STK33: variants seen among roughly 807,000 people sequenced by gnomAD.
STK33 encodes serine/threonine-protein kinase 33.
In STK33, 52 loss-of-function variants were observed where a neutral mutation model predicts 58.0. The ratio of observed to expected loss-of-function variants is 0.90; its 90% confidence interval spans 0.72 to 1.13. STK33 has a LOEUF of 1.13. Ranked by LOEUF, STK33 falls within the 50% of genes most tolerant of loss-of-function variation. The pLI is 0.00. For missense variants in STK33, 630 were observed against 604.2 expected, an observed-to-expected ratio of 1.04 and a Z score of -0.45; for synonymous variants, 215 against 200.1, an observed-to-expected ratio of 1.07 and a Z score of -0.63.
chr11:8,392,783 C>T, intron 15 of STK33, 73 bp from the exon 16 acceptor site: 5 of 1,505,766 alleles, frequency 3.3e-6, no homozygotes, highest in Non-Finnish European at 3.6e-6. Context: ...CAAGGAACTA[C>T]AAAGTTGTCC....
chr11:8,581,758 T>C (rs2030322382), intron 1 of STK33, among the ~76,000 whole-genome samples: 2 of 152,374 alleles, frequency 1.3e-5, no homozygotes, highest in African/African-American at 4.8e-5. Context: ...AAAAGCTAAA[T>C]GCACTAAATC....
intron 1 of STK33, among the ~76,000 whole-genome samples, chr11:8,549,680 G>A (rs904014808): frequency 3.9e-5 from 6 of 151,960 alleles, no homozygotes; most frequent in African/African-American, 1.4e-4. Context: ...GTCTGTTCAG[G>A]TTTCCTATTT....
At chr11:8,551,070 T>G (rs1367878745) in intron 1 of STK33, among the ~76,000 whole-genome samples, 4 of 152,126 alleles carry the variant, frequency 2.6e-5, no homozygotes, top group African/African-American at 7.2e-5. Context: ...GCAAGTCATA[T>G]TTTACATGGA....
At chr11:8,485,361 T>A (rs1025898729) in intron 1 of STK33, among the ~76,000 whole-genome samples, 2 of 152,200 alleles carry the variant, frequency 1.3e-5, no homozygotes, top group Non-Finnish European at 2.9e-5. Flanking sequence ...AAGAACGTTG[T>A]TTCAAAGCAC....
chr11:8,498,955 G>T (rs779106351), intron 1 of STK33, among the ~76,000 whole-genome samples: 5 of 152,078 alleles, frequency 3.3e-5, no homozygotes, highest in African/African-American at 7.2e-5. Context: ...AGACTTAAAC[G>T]TAAGACCTAA....
the STK33 span, among the ~76,000 whole-genome samples, chr11:8,346,278 C>T: frequency 6.6e-5 from 10 of 152,258 alleles, no homozygotes; most frequent in African/African-American, 1.9e-4. Flanking sequence ...CCTTTAGTTA[C>T]GGGGCACCGT....
At chr11:8,488,445 G>A (rs2138527071) in intron 1 of STK33, among the ~76,000 whole-genome samples, 1 of 152,136 alleles carries the variant, frequency 6.6e-6, no homozygotes, top group Non-Finnish European at 1.5e-5. Context: ...ATCTCTGGCT[G>A]ACCTGGAAGC....
At chr11:8,433,195 A>G (rs1050509078) in intron 14 of STK33, among the ~76,000 whole-genome samples, 1 of 152,234 alleles carries the variant, frequency 6.6e-6, no homozygotes, top group Non-Finnish European at 1.5e-5. Context: ...AGAGCAACAC[A>G]TTCATGGAAG....
the STK33 span, among the ~76,000 whole-genome samples, chr11:8,348,916 A>G: frequency 2.6e-5 from 4 of 152,204 alleles, no homozygotes; most frequent in African/African-American, 9.7e-5. Flanking sequence ...TTTTTAAAAT[A>G]TCATTTCTTC....
downstream of STK33, among the ~76,000 whole-genome samples, chr11:8,388,942 C>T (rs182209316): frequency 1.3e-5 from 2 of 152,156 alleles, no homozygotes; most frequent in Admixed American, 6.5e-5. Context: ...AGGAAGAGCT[C>T]GTTTATCTTT....
At chr11:8,512,244 C>A (rs1000726062) in intron 1 of STK33, among the ~76,000 whole-genome samples, 1 of 151,948 alleles carries the variant, frequency 6.6e-6, no homozygotes, top group Non-Finnish European at 1.5e-5. Flanking sequence ...TAATGATATA[C>A]AATTTCTTTT....
chr11:8,367,390 A>G, the STK33 span, among the ~76,000 whole-genome samples: 2 of 152,204 alleles, frequency 1.3e-5, no homozygotes, highest in Non-Finnish European at 2.9e-5. Context: ...TGTTCACATC[A>G]TTGTACATTC....
At chr11:8,558,398 TAC>T (rs71059170) in intron 1 of STK33, among the ~76,000 whole-genome samples, 8,709 of 149,522 alleles carry the variant, frequency 0.058, 311 homozygotes, top group Non-Finnish European at 0.076. Context: ...TTGTCAGTGA[TAC>T]ACACACACAC....
At chr11:8,461,186 A>T (rs1298393272) in intron 8 of STK33, among the ~76,000 whole-genome samples, 3 of 152,226 alleles carry the variant, frequency 2.0e-5, no homozygotes, top group Non-Finnish European at 4.4e-5. Context: ...TCCACAGTCC[A>T]TACGCCTAAT....
chr11:8,584,034 A>C (rs1367816469), intron 1 of STK33, among the ~76,000 whole-genome samples: 1 of 152,002 alleles, frequency 6.6e-6, no homozygotes, highest in East Asian at 1.9e-4. Flanking sequence ...TCAAGGATCC[A>C]GATCTAATCA....
chr11:8,424,030 C>T (rs976012460), intron 14 of STK33, among the ~76,000 whole-genome samples: 1 of 151,738 alleles, frequency 6.6e-6, no homozygotes, highest in East Asian at 1.9e-4. Flanking sequence ...GGTACATGTG[C>T]ACATTGTGCA....
At chr11:8,481,792 G>A (rs1437238871) in intron 1 of STK33, among the ~76,000 whole-genome samples, 2 of 152,162 alleles carry the variant, frequency 1.3e-5, no homozygotes, top group African/African-American at 4.8e-5. Context: ...CAGGAGTCTA[G>A]AAGGATATAA....
At chr11:8,540,988 C>CTA (rs1296572815) in intron 1 of STK33, among the ~76,000 whole-genome samples, 61 of 138,234 alleles carry the variant, frequency 4.4e-4, no homozygotes, top group East Asian at 2.4e-3. Flanking sequence ...CTCTCTCTCT[C>CTA]TCTCTCTATA....
the STK33 span, among the ~76,000 whole-genome samples, chr11:8,369,153 T>C: frequency 2.6e-5 from 4 of 152,186 alleles, no homozygotes; most frequent in Non-Finnish European, 4.4e-5. Flanking sequence ...CATAAAATCA[T>C]ATTCATTGAG....
Sources: gnomAD v4.1 joint callset for allele counts (sites outside exome capture counted in the v4.1 genomes callset) on GRCh38, gnomAD v4.1.1 for gene constraint, MANE v1.5 for transcripts, NCBI Gene and HGNC (gene_info 2026-07-23, HGNC 2026-07-21) for gene names.